LRRIQ1: variants seen among roughly 807,000 people sequenced by gnomAD.
LRRIQ1 encodes leucine rich repeats and IQ motif containing 1.
In LRRIQ1, 210 loss-of-function variants were observed where a neutral mutation model predicts 211.9. The ratio of observed to expected loss-of-function variants is 0.99; its 90% confidence interval spans 0.89 to 1.11. The LOEUF (loss-of-function observed/expected upper bound fraction) is 1.11, where lower values mean the gene tolerates loss of function less well. Ranked by LOEUF, LRRIQ1 falls within the 50% of genes most tolerant of loss-of-function variation. LRRIQ1 has a pLI of 0.00. For synonymous variants in LRRIQ1, 699 were observed against 650.1 expected (o/e 1.08, Z -1.14); for missense variants, 2,136 against 1,939.5 (o/e 1.10, Z -1.90).
intron 11 of LRRIQ1, among the ~76,000 whole-genome samples, chr12:85,073,430 T>C (rs1350329829): frequency 1.3e-5 from 2 of 152,062 alleles, no homozygotes; most frequent in East Asian, 3.9e-4. Context: ...TTGTTGTTGT[T>C]GGAGTGAAGG....
rs553801372 is a variant in LRRIQ1 at position 85,118,319 on chromosome 12, A to G, written c.3378-3378A>G. ...AACTATTTATTAGCAAAGCGTCAAG[A>G]TTTTTATCTGCTTCATAATATGTAG... On this transcript the variant is annotated intron_variant, in intron 15 of 26. Transcript: ENST00000393217. Among the ~76,000 whole-genome samples the G allele has an allele frequency of 2.0e-5, 3 of 152,210 alleles. No homozygotes were observed. In the East Asian group the frequency reaches 5.8e-4, roughly 29 times the overall value.
rs7312075 is a variant in LRRIQ1, at chr12:85,038,262, T to C, written c.86T>C (p.Ile29Thr). 1.2e-5 allele frequency: 19 copies of C among 1,584,818 alleles called. No homozygotes were observed. Among genetic ancestry groups the C allele is most frequent in the Non-Finnish European group, 1.6e-5 (19 of 1,164,056 alleles). The change falls in exon 2 of 27, where the codon ATT (isoleucine) becomes ACT (threonine). Residue 29 changes from isoleucine (I) to threonine (T), a missense_variant. Ile to Thr is a moderately conservative substitution (Grantham distance 89). Transcript: ENST00000393217. ...ATTTCCTCCTTGGAAAAAGAAGACA[T>C]TGAGAGTGATGCAAAATCAGAAACC... ...LSISSLEKED[I>T]ESDAKSETQS... is the part of the protein sequence containing the mutation.
intron 24 of LRRIQ1, among the ~76,000 whole-genome samples, chr12:85,162,382 A>T (rs532743726): frequency 7.9e-5 from 12 of 152,296 alleles, no homozygotes; most frequent in African/African-American, 2.9e-4. Flanking sequence ...AAATGTAGAA[A>T]TTCTGCTAAA....
chr12:85,270,635 C>T, the LRRIQ1 span, among the ~76,000 whole-genome samples: 1 of 151,978 alleles, frequency 6.6e-6, no homozygotes, highest in Non-Finnish European at 1.5e-5. Flanking sequence ...TTTCTATGTC[C>T]ATAATCCTTA....
chr12:85,080,688 A>G (rs1307706719), intron 11 of LRRIQ1, among the ~76,000 whole-genome samples: 2 of 147,910 alleles, frequency 1.4e-5, no homozygotes, highest in Non-Finnish European at 3.0e-5. Flanking sequence ...TTTTTACTTG[A>G]CATTCAATTT....
intron 24 of LRRIQ1, among the ~76,000 whole-genome samples, chr12:85,163,110 C>A (rs1890981676): frequency 6.6e-6 from 1 of 152,130 alleles, no homozygotes; most frequent in African/African-American, 2.4e-5. Flanking sequence ...CCACAGAGTG[C>A]AGCTTCCAAA....
intron 6 of LRRIQ1, among the ~76,000 whole-genome samples, chr12:85,050,778 C>T (rs1024562842): frequency 1.3e-5 from 2 of 152,148 alleles, no homozygotes; most frequent in African/African-American, 4.8e-5. Flanking sequence ...ACGTTACTTC[C>T]ATGCTTAAAC....
chr12:85,064,028 T>C (rs1182880663), intron 8 of LRRIQ1, among the ~76,000 whole-genome samples: 1 of 151,838 alleles, frequency 6.6e-6, no homozygotes, highest in Non-Finnish European at 1.5e-5. Context: ...ATTATACTGA[T>C]TTCATTTCTT....
intron 26 of LRRIQ1, among the ~76,000 whole-genome samples, chr12:85,234,397 T>C (rs1895083459): frequency 6.6e-6 from 1 of 152,198 alleles, no homozygotes; most frequent in Non-Finnish European, 1.5e-5. Context: ...ATAAATAATA[T>C]ACATTACAAT....
chr12:85,196,646 C>A (rs1171442818), intron 24 of LRRIQ1, among the ~76,000 whole-genome samples: 1 of 152,114 alleles, frequency 6.6e-6, no homozygotes, highest in Non-Finnish European at 1.5e-5. Context: ...GAAACTGGAT[C>A]CCTTCCTTAC....
chr12:85,097,098 T>A (rs569686140), intron 11 of LRRIQ1, among the ~76,000 whole-genome samples: 1 of 152,252 alleles, frequency 6.6e-6, no homozygotes, highest in East Asian at 1.9e-4. Context: ...ATGGGTCTTG[T>A]TTTTTATTCA....
At chr12:85,265,220 T>C (rs1248549986), downstream of LRRIQ1, among the ~76,000 whole-genome samples, 1 of 152,058 alleles carries the variant, frequency 6.6e-6, no homozygotes, top group Non-Finnish European at 1.5e-5. Context: ...CAAGTAGCTG[T>C]AATAGGTTTC....
intron 8 of LRRIQ1, among the ~76,000 whole-genome samples, chr12:85,060,258 A>C: frequency 6.6e-6 from 1 of 152,162 alleles, no homozygotes. Flanking sequence ...GTTTCATCAA[A>C]AAAGTTATAA....
At chr12:85,111,258 G>A (rs1211954508) in intron 15 of LRRIQ1, among the ~76,000 whole-genome samples, 1 of 152,102 alleles carries the variant, frequency 6.6e-6, no homozygotes, top group Non-Finnish European at 1.5e-5. Context: ...CGACCATAGG[G>A]AAGGGTACAA....
At chr12:85,245,719 C>T (rs1028643082), downstream of LRRIQ1, among the ~76,000 whole-genome samples, 4 of 150,802 alleles carry the variant, frequency 2.7e-5, no homozygotes, top group Non-Finnish European at 5.9e-5. Flanking sequence ...TGTGACAATA[C>T]ATTAGTATAA....
intron 15 of LRRIQ1, among the ~76,000 whole-genome samples, chr12:85,117,332 C>G (rs1051268544): frequency 5.9e-5 from 9 of 152,128 alleles, no homozygotes; most frequent in African/African-American, 2.2e-4. Context: ...ACTGTGGATC[C>G]AGGATCACTT....
chr12:85,143,159 G>A (rs1254576593), intron 19 of LRRIQ1, among the ~76,000 whole-genome samples: 1 of 151,584 alleles, frequency 6.6e-6, no homozygotes, highest in Non-Finnish European at 1.5e-5. Flanking sequence ...TTTAACATGT[G>A]TGAGGTGATA....
intron 11 of LRRIQ1, among the ~76,000 whole-genome samples, chr12:85,088,112 T>A (rs1419249462): frequency 6.6e-6 from 1 of 152,190 alleles, no homozygotes; most frequent in Non-Finnish European, 1.5e-5. Context: ...CATCTTGAAT[T>A]AATTTTTGTA....
At position 85,127,972 on chromosome 12, in the gene LRRIQ1, GAA is replaced by G; in HGVS notation, c.4152_4153del (p.Glu1386LysfsTer37). ...AAGAATCAGACTATTTTAAAGAAAGGAAAAAGAGAAAATATTGTGAATATCCG... is the reference window on the plus strand; with the variant it reads ...AAGAATCAGACTATTTTAAAGAAAGGAAAGAGAAAATATTGTGAATATCCG... On this transcript the variant is annotated frameshift_variant, in exon 18 of 27. Transcript: ENST00000393217. LOFTEE classifies it high-confidence loss of function. 6.2e-7 allele frequency: 1 copy of G among 1,613,632 alleles called. No individual in the cohort carries two copies. The highest frequency in any genetic ancestry group is 8.5e-7 in the Non-Finnish European group (1 of 1,179,654).
Sources: allele counts gnomAD v4.1 joint callset (sites outside exome capture counted in the v4.1 genomes callset), GRCh38; gene constraint gnomAD v4.1.1; transcripts MANE v1.5; gene names NCBI Gene and HGNC (gene_info 2026-07-23, HGNC 2026-07-21).